NBN: variants seen among roughly 807,000 people sequenced by gnomAD.
NBN encodes nibrin.
In NBN, 88 loss-of-function variants were observed where a neutral mutation model predicts 90.8. That is an observed-to-expected ratio of 0.97 (90% CI 0.82 to 1.16). The LOEUF (loss-of-function observed/expected upper bound fraction) is 1.16, where lower values mean the gene tolerates loss of function less well. Among genes scored for constraint, NBN ranks in the 50% most tolerant of loss-of-function variants. The probability of loss-of-function intolerance (pLI) is 0.00; values close to 1 mark genes in which losing one functional copy is unlikely to be tolerated. For missense variants in NBN, 894 were observed against 869.6 expected, an observed-to-expected ratio of 1.03 and a Z score of -0.35; for synonymous variants, 328 against 295.1, an observed-to-expected ratio of 1.11 and a Z score of -1.14.
At chr8:89,970,914 A>C (rs1811484444) in intron 6 of NBN, among the ~76,000 whole-genome samples, 1 of 152,186 alleles carries the variant, frequency 6.6e-6, no homozygotes, top group Non-Finnish European at 1.5e-5. Flanking sequence ...TAGCTTACTA[A>C]CTAAAGAAGT....
chr8:89,935,222 A>G lies in NBN; in HGVS notation c.*360T>C, dbSNP rs1029267363. 8.5e-5 allele frequency: 24 copies of G among 283,510 alleles called. No homozygotes were observed. The highest frequency in any genetic ancestry group is 3.7e-4 in the African/African-American group (17 of 46,098). 17.6% of individuals were successfully genotyped at this position (283,510 alleles called of 1,614,324 possible). ...TCAAAAATCCCTGGAAAGATTCATAAGAAATGAGTATCATGAATTTTTTTC... is the reference window on the plus strand; with the variant it reads ...TCAAAAATCCCTGGAAAGATTCATAGGAAATGAGTATCATGAATTTTTTTC... On this transcript the variant is annotated 3_prime_UTR_variant, in exon 16 of 16. Transcript: ENST00000265433.
intron 14 of NBN, among the ~76,000 whole-genome samples, chr8:89,940,806 C>T (rs1187042907): frequency 1.3e-5 from 2 of 152,126 alleles, no homozygotes; most frequent in Non-Finnish European, 2.9e-5. Context: ...AGTAAAAGAA[C>T]CATAATAACA....
chr8:89,945,990 C>A, intron 13 of NBN, 150 bp downstream of exon 13: 1 of 610,300 alleles, frequency 1.6e-6, no homozygotes. Context: ...ACTGTAAGTT[C>A]ATATCCTTCC....
At chr8:89,981,284 T>A in intron 3 of NBN, 91 bp downstream of exon 3, 2 of 1,392,988 alleles carry the variant, frequency 1.4e-6, no homozygotes, top group Non-Finnish European at 2.0e-6. Flanking sequence ...AATTATACTG[T>A]TTTAAATTCA....
chr8:89,971,004 CA>C (rs920887946), intron 6 of NBN, among the ~76,000 whole-genome samples, 168 bp downstream of exon 6: 1 of 152,184 alleles, frequency 6.6e-6, no homozygotes, highest in Non-Finnish European at 1.5e-5. Flanking sequence ...ACCCCGTAAT[CA>C]CAGCCATGAT....
At chr8:89,962,401 G>T (rs1466027703) in intron 8 of NBN, among the ~76,000 whole-genome samples, 1 of 152,124 alleles carries the variant, frequency 6.6e-6, no homozygotes, top group Non-Finnish European at 1.5e-5. Context: ...TACTGATACT[G>T]ATCTTTTTTC....
chr8:89,943,876 TAAGAA>T (rs140891111), intron 13 of NBN, among the ~76,000 whole-genome samples: 129 of 152,308 alleles, frequency 8.5e-4, no homozygotes, highest in African/African-American at 2.8e-3. Flanking sequence ...AGAGGTGCTT[TAAGAA>T]AAGAAAATTC....
intron 14 of NBN, among the ~76,000 whole-genome samples, chr8:89,941,590 T>C (rs1809952682): frequency 6.6e-6 from 1 of 152,224 alleles, no homozygotes; most frequent in African/African-American, 2.4e-5. Flanking sequence ...AACTTCCTCC[T>C]ATCAATGTCT....
intron 8 of NBN, among the ~76,000 whole-genome samples, chr8:89,963,272 G>A (rs966769693): frequency 1.3e-5 from 2 of 152,092 alleles, no homozygotes; most frequent in African/African-American, 2.4e-5. Flanking sequence ...GGAGATACAC[G>A]GACTGACTCC....
In NBN at chr8:89,945,647, A is replaced by G. The variant is rs79334955; in HGVS notation, c.2070+493T>C. Reference sequence around the variant, plus strand: ...AAGTCTTTTTTTAACCATTACTGATAAAATAAGTATCAGTTCCTTAATGAG... The same window carrying G: ...AAGTCTTTTTTTAACCATTACTGATGAAATAAGTATCAGTTCCTTAATGAG... On this transcript the variant is annotated intron_variant, in intron 13 of 15. Transcript: ENST00000265433. Among the ~76,000 whole-genome samples, 704 of 152,332 alleles carry G rather than the reference A, an allele frequency of 4.6e-3. 18 individuals carry two copies. In the East Asian group the frequency reaches 0.054, roughly 12 times the overall value.
rs1563524801 is a variant in NBN, at chr8:89,953,284, G to A, written c.1805C>T (p.Thr602Ile). 6.2e-7 allele frequency: 1 copy of A among 1,613,166 alleles called. No homozygotes were observed. Among genetic ancestry groups the A allele is most frequent in the Non-Finnish European group, 8.5e-7 (1 of 1,179,658 alleles). ...RPRMDIETNDTFSDEAVPESS... is the reference protein window; with the variant it reads ...RPRMDIETNDIFSDEAVPESS... ...TTCTGGTACTGCTTCATCACTGAAA[G>A]TGTCATTTGTTTCTATATCCATCCT... is the stretch of plus-strand genomic sequence containing the variant. The change falls in exon 11 of 16, where the codon ACT becomes ATT. Residue 602 changes from threonine (T) to isoleucine (I), a missense_variant. Thr to Ile is a moderately conservative substitution (Grantham distance 89). Transcript: ENST00000265433.
intron 14 of NBN, among the ~76,000 whole-genome samples, chr8:89,938,480 A>G (rs1018510924): frequency 4.0e-5 from 6 of 151,834 alleles, no homozygotes; most frequent in African/African-American, 7.3e-5. Context: ...GTGTGTGTGT[A>G]TATATATATA....
At chr8:89,938,843 G>A (rs1370060241) in intron 14 of NBN, among the ~76,000 whole-genome samples, 1 of 152,168 alleles carries the variant, frequency 6.6e-6, no homozygotes, top group East Asian at 1.9e-4. Flanking sequence ...TAAAACAGCT[G>A]TCAAAATAAC....
chr8:89,959,871 CT>C (rs1810911351), intron 8 of NBN, among the ~76,000 whole-genome samples: 1 of 152,220 alleles, frequency 6.6e-6, no homozygotes, highest in South Asian at 2.1e-4. Flanking sequence ...TAACATCTGC[CT>C]CACAAAGTTG....
At chr8:89,935,710 T>A in intron 15 of NBN, 98 bp from the exon 16 acceptor site, 1 of 1,452,330 alleles carries the variant, frequency 6.9e-7, no homozygotes, top group Non-Finnish European at 9.5e-7. Flanking sequence ...CTTTGGCAAA[T>A]AGGATGGGAA....
chr8:89,965,074 A>G (rs953008823), intron 7 of NBN, among the ~76,000 whole-genome samples: 1 of 152,124 alleles, frequency 6.6e-6, no homozygotes, highest in Non-Finnish European at 1.5e-5. Flanking sequence ...AGATCGCGCC[A>G]CTGCACTCCA....
chr8:89,970,613 T>G, intron 6 of NBN, 56 bp from the exon 7 acceptor site: 4 of 1,505,944 alleles, frequency 2.7e-6, no homozygotes, highest in Non-Finnish European at 3.7e-6. Context: ...TTTGAACACA[T>G]AAGAATTTGA....
chr8:89,968,291 CAG>C (rs1354756119), intron 7 of NBN, among the ~76,000 whole-genome samples: 4 of 152,184 alleles, frequency 2.6e-5, no homozygotes, highest in East Asian at 1.9e-4. Context: ...CATATTGTAA[CAG>C]GGGCCAAGTG....
In NBN at chr8:89,980,739, T is replaced by G; in HGVS notation, c.475A>C (p.Ile159Leu). ...HLVMVSVKVT[I>L]KTICALICGR... ...GAACAAGACATTCAACCTACTTTAATGGTAACTTTCACTGATACCATGACA... is the reference window on the plus strand; with the variant it reads ...GAACAAGACATTCAACCTACTTTAAGGGTAACTTTCACTGATACCATGACA... The change falls in exon 4 of 16, where the codon ATT becomes CTT. Residue 159 changes from isoleucine to leucine, a missense_variant. Transcript: ENST00000265433. The G allele has an allele frequency of 6.2e-7, 1 of 1,610,820 alleles. No individual in the cohort carries two copies. The highest frequency in any genetic ancestry group is 8.5e-7 in the Non-Finnish European group (1 of 1,177,200).
Sources: gnomAD v4.1 joint callset for allele counts (sites outside exome capture counted in the v4.1 genomes callset) on GRCh38, gnomAD v4.1.1 for gene constraint, MANE v1.5 for transcripts, NCBI Gene and HGNC (gene_info 2026-07-23, HGNC 2026-07-21) for gene names.